Variants in STK3 observed in about 807,000 individuals in gnomAD.
STK3 encodes the protein serine/threonine-protein kinase 3.
STK3 carries 41 observed loss-of-function variants against 58.0 expected under a neutral mutation model. The ratio of observed to expected loss-of-function variants is 0.71; its 90% CI spans 0.55 to 0.92. The LOEUF (loss-of-function observed/expected upper bound fraction) is 0.92, where lower values mean the gene tolerates loss of function less well. Ranked by LOEUF, STK3 falls within the 40% of genes least tolerant of loss-of-function variation. STK3 has a pLI of 0.00. For synonymous variants in STK3, 170 were observed against 191.0 expected, an observed-to-expected ratio of 0.89 and a Z score of 0.91; for missense variants, 479 against 602.7, an observed-to-expected ratio of 0.79 and a Z score of 2.15.
intron 3 of STK3, chr8:98,427,884 G>T: frequency 9.1e-7 from 1 of 1,095,048 alleles, no homozygotes; most frequent in Non-Finnish European, 1.3e-6. Context: ...TAGGGAGAGG[G>T]GGCCCCGCCA....
Position 98,614,587 on chromosome 8 carries a change from G to C in STK3, c.685-18418C>G, listed in dbSNP as rs953719652. ...TAGGGAGTGCCAGACAGTGGGCGCAGGCCAGTGGGTGTGCGCACCGTGCGC... is the reference window on the plus strand; with the variant it reads ...TAGGGAGTGCCAGACAGTGGGCGCACGCCAGTGGGTGTGCGCACCGTGCGC... On this transcript the variant is annotated intron_variant, in intron 6 of 10. Transcript: ENST00000419617. 5.6e-4 allele frequency among the ~76,000 whole-genome samples: 85 copies of C among 152,294 alleles called. 2 individuals carry two copies. The highest frequency in any genetic ancestry group is 4.1e-4 in the South Asian group (2 of 4,824).
At chr8:98,598,122 T>C (rs894638223) in intron 6 of STK3, 5 of 985,406 alleles carry the variant, frequency 5.1e-6, no homozygotes, top group Non-Finnish European at 6.0e-6. Context: ...TAAATTATAC[T>C]AGATTGTCTA....
intron 10 of STK3, among the ~76,000 whole-genome samples, chr8:98,469,174 G>C (rs1350271968): frequency 6.8e-6 from 1 of 147,910 alleles, no homozygotes; most frequent in Admixed American, 6.9e-5. Flanking sequence ...AAAAGGCTGA[G>C]TAAACATTGA....
At chr8:98,903,558 T>TCTTCTTCTTCTTC (rs1564093759) in intron 1 of STK3, among the ~76,000 whole-genome samples, 30 of 68,828 alleles carry the variant, frequency 4.4e-4, no homozygotes, top group Admixed American at 1.2e-3. Context: ...TTCTTCTTCC[T>TCTTCTTCTTCTTC]TTTTTTTTTT....
At chr8:98,418,356 G>C (rs1818135510) in intron 3 of STK3, among the ~76,000 whole-genome samples, 1 of 152,194 alleles carries the variant, frequency 6.6e-6, no homozygotes, top group South Asian at 2.1e-4. Context: ...GCTGTCATGG[G>C]GAATAGCCTA....
intron 8 of STK3, among the ~76,000 whole-genome samples, chr8:98,577,700 T>C (rs1312960008): frequency 6.6e-6 from 1 of 152,040 alleles, no homozygotes; most frequent in Non-Finnish European, 1.5e-5. Context: ...AACACTTAGA[T>C]TGCAATCTCA....
intron 7 of STK3, among the ~76,000 whole-genome samples, chr8:98,580,994 C>A (rs1813833302): frequency 6.6e-6 from 1 of 152,124 alleles, no homozygotes; most frequent in South Asian, 2.1e-4. Flanking sequence ...ATTAATCTTA[C>A]CAAACAAATT....
the STK3 span, among the ~76,000 whole-genome samples, chr8:98,362,485 C>G: frequency 6.6e-6 from 1 of 152,130 alleles, no homozygotes; most frequent in Non-Finnish European, 1.5e-5. Context: ...TCCCCAAGGT[C>G]AAGACAAATC....
At chr8:98,791,903 A>C (rs533098568) in intron 1 of STK3, among the ~76,000 whole-genome samples, 2 of 152,354 alleles carry the variant, frequency 1.3e-5, no homozygotes, top group South Asian at 4.1e-4. Context: ...ACATTGGCTT[A>C]GTCAATGATT....
At chr8:98,624,841 TG>T (rs1563819482) in intron 6 of STK3, among the ~76,000 whole-genome samples, 1 of 149,126 alleles carries the variant, frequency 6.7e-6, no homozygotes, top group African/African-American at 2.5e-5. Context: ...GCAAAAAGAG[TG>T]GAACTCTGTC....
At chr8:98,389,042 AT>A (rs1382929187), upstream of STK3, among the ~76,000 whole-genome samples, 2 of 152,210 alleles carry the variant, frequency 1.3e-5, no homozygotes, top group East Asian at 3.8e-4. Context: ...AGAGCACTTT[AT>A]AAACCATATA....
intron 4 of STK3, among the ~76,000 whole-genome samples, chr8:98,708,464 C>T (rs1157829690): frequency 6.6e-6 from 1 of 151,856 alleles, no homozygotes; most frequent in Admixed American, 6.6e-5. Context: ...ATATTGAGAA[C>T]TCAGAAGAAA....
chr8:98,618,503 A>G (rs2130345383), intron 6 of STK3, among the ~76,000 whole-genome samples: 1 of 151,704 alleles, frequency 6.6e-6, no homozygotes, highest in East Asian at 1.9e-4. Flanking sequence ...GTATTCAATT[A>G]GGAAAAGAGG....
intron 3 of STK3, among the ~76,000 whole-genome samples, chr8:98,406,801 A>G (rs1375256944): frequency 7.9e-5 from 12 of 152,158 alleles, no homozygotes; most frequent in Non-Finnish European, 7.4e-5. Context: ...GACACAGTAT[A>G]GGCTGATGAG....
chr8:98,786,439 T>C (rs571143709), intron 1 of STK3, among the ~76,000 whole-genome samples: 1 of 152,228 alleles, frequency 6.6e-6, no homozygotes, highest in South Asian at 2.1e-4. Flanking sequence ...TTCTAGCTAC[T>C]TGGGAGGCTG....
chr8:98,714,491 G>C (rs1356624499), intron 4 of STK3, among the ~76,000 whole-genome samples: 1 of 152,210 alleles, frequency 6.6e-6, no homozygotes, highest in East Asian at 1.9e-4. Context: ...ACCAATAACA[G>C]ACAAACAGAG....
chr8:98,732,942 C>G (rs1305859894), intron 4 of STK3, among the ~76,000 whole-genome samples: 1 of 152,122 alleles, frequency 6.6e-6, no homozygotes, highest in Non-Finnish European at 1.5e-5. Flanking sequence ...TAACATAGAG[C>G]CATCAACCTA....
chr8:98,701,629 A>T (rs111826019), intron 6 of STK3, among the ~76,000 whole-genome samples: 3,709 of 142,364 alleles, frequency 0.026, 40 homozygotes, highest in African/African-American at 0.041. Context: ...CTCAAAAAAA[A>T]ATATATATAT....
chr8:98,700,211 C>A (rs529034616), intron 6 of STK3, among the ~76,000 whole-genome samples: 3 of 152,314 alleles, frequency 2.0e-5, no homozygotes, highest in African/African-American at 7.2e-5. Flanking sequence ...TTTTTAAGCC[C>A]CTCGGAAAAG....
Sources: allele counts gnomAD v4.1 joint callset (sites outside exome capture counted in the v4.1 genomes callset), GRCh38; gene constraint gnomAD v4.1.1; transcripts MANE v1.5; gene names NCBI Gene and HGNC (gene_info 2026-07-23, HGNC 2026-07-21).